CDK5RAP2: variants seen among roughly 807,000 people sequenced by gnomAD.
The protein encoded by CDK5RAP2 is CDK5 regulatory subunit associated protein 2.
In CDK5RAP2, 147 loss-of-function variants were observed where a neutral mutation model predicts 232.9. That is an observed-to-expected ratio of 0.63 (90% CI 0.55 to 0.72). The LOEUF (loss-of-function observed/expected upper bound fraction) is 0.72. Ranked by LOEUF, CDK5RAP2 falls within the 30% of genes least tolerant of loss-of-function variation. The pLI, the probability that CDK5RAP2 is intolerant of heterozygous loss-of-function variation, is 0.00. For missense variants in CDK5RAP2, 2,195 were observed against 2,231.5 expected, an observed-to-expected ratio of 0.98 and a Z score of 0.33; for synonymous variants, 833 against 833.7, an observed-to-expected ratio of 1.00 and a Z score of 0.01.
intron 18 of CDK5RAP2, among the ~76,000 whole-genome samples, chr9:120,462,671 A>T (rs1206262093): frequency 6.6e-6 from 1 of 152,290 alleles, no homozygotes; most frequent in East Asian, 1.9e-4. Context: ...ATACTGTATG[A>T]CTCCATTTAT....
chr9:120,477,944 A>C (rs1276327512), intron 14 of CDK5RAP2, among the ~76,000 whole-genome samples: 1 of 152,228 alleles, frequency 6.6e-6, no homozygotes, highest in Non-Finnish European at 1.5e-5. Flanking sequence ...TGATGAAGAA[A>C]TCTGAGTTGG....
intron 35 of CDK5RAP2, 51 bp from the exon 36 acceptor site, chr9:120,394,689 T>C (rs773555539): frequency 1.5e-6 from 2 of 1,375,666 alleles, no homozygotes; most frequent in African/African-American, 2.8e-5. Context: ...AACATCATGT[T>C]ACACAGGAAG....
intron 25 of CDK5RAP2, among the ~76,000 whole-genome samples, chr9:120,425,904 C>T (rs1402902748): frequency 6.6e-6 from 1 of 152,214 alleles, no homozygotes; most frequent in African/African-American, 2.4e-5. Context: ...ACCCAAAAGA[C>T]AACTGCACTA....
intron 22 of CDK5RAP2, among the ~76,000 whole-genome samples, chr9:120,446,374 G>A (rs1050884321): frequency 6.6e-6 from 1 of 152,042 alleles, no homozygotes; most frequent in African/African-American, 2.4e-5. Flanking sequence ...TTACAGGCAC[G>A]CGCCACCATG....
chr9:120,501,709 T>A (rs1463448029), intron 12 of CDK5RAP2, among the ~76,000 whole-genome samples: 2 of 152,090 alleles, frequency 1.3e-5, no homozygotes, highest in Non-Finnish European at 2.9e-5. Flanking sequence ...ACCAGACATA[T>A]GAGTGAAGAA....
At chr9:120,404,253 T>G (rs2033279247) in intron 32 of CDK5RAP2, 140 bp from the exon 33 acceptor site, 2 of 699,528 alleles carry the variant, frequency 2.9e-6, no homozygotes, top group Admixed American at 4.0e-5. Flanking sequence ...ACTGGGCCTC[T>G]GTCCTGCCAA....
Position 120,580,061 on chromosome 9 carries a change from C to T in CDK5RAP2, c.-83G>A. 2 of 839,106 alleles carry T rather than the reference C, an allele frequency of 2.4e-6. No homozygotes were observed. Among genetic ancestry groups the T allele is most frequent in the Non-Finnish European group, 4.0e-6 (2 of 498,182 alleles). 52.0% of individuals were successfully genotyped at this position (839,106 alleles called of 1,614,324 possible). A position where few individuals can be genotyped will look rare whatever the true frequency, so the allele number is the denominator to read the frequency against. On this transcript the variant is annotated 5_prime_UTR_variant, in exon 1 of 38. Coordinates refer to ENST00000349780, the MANE Select transcript of CDK5RAP2 (RefSeq NM_018249.6). ...CGCGATAGCGACCCGCCGGGCTCCC[C>T]AGGTCCCCGCCCCCTCCACCCCAGC...
At chr9:120,479,929 C>A (rs1385673521) in intron 14 of CDK5RAP2, among the ~76,000 whole-genome samples, 1 of 152,098 alleles carries the variant, frequency 6.6e-6, no homozygotes, top group Non-Finnish European at 1.5e-5. Flanking sequence ...GAGAATGTTC[C>A]TGTTTACAAG....
intron 9 of CDK5RAP2, 135 bp downstream of exon 9, chr9:120,528,609 T>A (rs2041008547): frequency 1.4e-6 from 1 of 706,770 alleles, no homozygotes; most frequent in East Asian, 2.7e-5. Flanking sequence ...GAGTACCTTA[T>A]GCTTGACTGG....
intron 32 of CDK5RAP2, among the ~76,000 whole-genome samples, chr9:120,404,414 G>T (rs1245528529): frequency 6.6e-6 from 1 of 152,180 alleles, no homozygotes; most frequent in Middle Eastern, 3.2e-3. Flanking sequence ...TCAGGTGAGG[G>T]GCACTACCCC....
intron 28 of CDK5RAP2, among the ~76,000 whole-genome samples, chr9:120,412,587 A>C (rs1482597313): frequency 6.6e-6 from 1 of 152,144 alleles, no homozygotes; most frequent in East Asian, 1.9e-4. Context: ...ACAGATACTA[A>C]TCCAAACTTT....
chr9:120,398,531 T>G (rs2131242769), intron 35 of CDK5RAP2, among the ~76,000 whole-genome samples: 1 of 152,348 alleles, frequency 6.6e-6, no homozygotes, highest in East Asian at 1.9e-4. Flanking sequence ...GTAAGGTTTG[T>G]TTCATCTTGC....
chr9:120,441,893 C>T (rs995578820), intron 23 of CDK5RAP2, among the ~76,000 whole-genome samples: 2 of 152,278 alleles, frequency 1.3e-5, no homozygotes, highest in Admixed American at 6.5e-5. Flanking sequence ...AGCACAGGGT[C>T]TGCGACAGAG....
At chr9:120,484,116 C>A (rs938497808) in intron 14 of CDK5RAP2, among the ~76,000 whole-genome samples, 8 of 152,186 alleles carry the variant, frequency 5.3e-5, no homozygotes, top group African/African-American at 1.9e-4. Flanking sequence ...CAGGATCACA[C>A]AATGATTAGA....
chr9:120,509,113 C>G (rs1269770845), intron 12 of CDK5RAP2, among the ~76,000 whole-genome samples: 2 of 152,200 alleles, frequency 1.3e-5, no homozygotes, highest in Non-Finnish European at 2.9e-5. Flanking sequence ...CAGAGTTTCT[C>G]AATAGCAGAG....
intron 5 of CDK5RAP2, among the ~76,000 whole-genome samples, chr9:120,545,177 C>G (rs2041790858): frequency 6.6e-6 from 1 of 152,174 alleles, no homozygotes; most frequent in South Asian, 2.1e-4. Flanking sequence ...CATCCTCTGT[C>G]TCCCTGCCTC....
At chr9:120,491,204 T>C (rs2038885967) in intron 13 of CDK5RAP2, 103 bp downstream of exon 13, 5 of 896,410 alleles carry the variant, frequency 5.6e-6, no homozygotes, top group South Asian at 4.3e-5. Context: ...TTCTGAAACA[T>C]AGCAATGATT....
intron 32 of CDK5RAP2, chr9:120,406,360 T>C (rs2131293086): frequency 6.5e-6 from 1 of 152,832 alleles, no homozygotes; most frequent in Middle Eastern, 3.4e-3. Flanking sequence ...TAGCTCCAGC[T>C]CTGCTGCCTA....
intron 25 of CDK5RAP2, among the ~76,000 whole-genome samples, chr9:120,429,213 C>G (rs1321285788): frequency 1.3e-5 from 2 of 150,026 alleles, no homozygotes; most frequent in Non-Finnish European, 3.0e-5. Flanking sequence ...CAGGGATGCC[C>G]TCTCTCACCA....
Sources: allele counts gnomAD v4.1 joint callset (sites outside exome capture counted in the v4.1 genomes callset), GRCh38; gene constraint gnomAD v4.1.1; transcripts MANE v1.5; gene names NCBI Gene and HGNC (gene_info 2026-07-23, HGNC 2026-07-21).